Variants in PVT1 observed in about 807,000 individuals in gnomAD.
PVT1 encodes the protein Pvt1 oncogene, also known as CXCR4/PVT1 fusion.
At chr8:128,077,818 T>C (rs1395751337) in intron 5 of PVT1, among the ~76,000 whole-genome samples, 2 of 152,232 alleles carry the variant, frequency 1.3e-5, no homozygotes, top group Non-Finnish European at 2.9e-5. Context: ...CAGCCATCAA[T>C]ACCATTTTCA....
chr8:127,868,062 G>T (rs1013898526), intron 2 of PVT1, among the ~76,000 whole-genome samples: 1 of 152,258 alleles, frequency 6.6e-6, no homozygotes, highest in Middle Eastern at 3.4e-3. Flanking sequence ...TTATGAAATA[G>T]ATATTTATTT....
At chr8:128,001,947 C>T (rs927602626) in intron 4 of PVT1, among the ~76,000 whole-genome samples, 1 of 152,308 alleles carries the variant, frequency 6.6e-6, no homozygotes, top group East Asian at 1.9e-4. Context: ...CAAATCCCAT[C>T]ACCTTGAGGG....
intron 2 of PVT1, among the ~76,000 whole-genome samples, chr8:127,867,245 C>G (rs1185811557): frequency 6.6e-6 from 1 of 152,212 alleles, no homozygotes; most frequent in Non-Finnish European, 1.5e-5. Flanking sequence ...GGGGGAGGGG[C>G]ACACTTGCCT....
chr8:128,047,279 C>T (rs997653517), intron 4 of PVT1, among the ~76,000 whole-genome samples: 2 of 152,190 alleles, frequency 1.3e-5, no homozygotes, highest in Non-Finnish European at 2.9e-5. Context: ...TAGGAATGAC[C>T]TGTGAGAAGA....
At chr8:128,092,911 A>G (rs899189951) in intron 5 of PVT1, among the ~76,000 whole-genome samples, 1 of 151,910 alleles carries the variant, frequency 6.6e-6, no homozygotes, top group Non-Finnish European at 1.5e-5. Context: ...CTGGGGCTTT[A>G]TTCTTTCTGT....
intron 5 of PVT1, among the ~76,000 whole-genome samples, chr8:128,087,747 CTT>C (rs71568675): frequency 0.19 from 14,044 of 74,918 alleles, 412 homozygotes; most frequent in East Asian, 0.3. Flanking sequence ...TGATGTGCTA[CTT>C]TTTTTTTTTT....
chr8:127,899,874 G>A (rs1214123102), intron 3 of PVT1, among the ~76,000 whole-genome samples: 1 of 152,220 alleles, frequency 6.6e-6, no homozygotes, highest in South Asian at 2.1e-4. Flanking sequence ...AGTTTCAGGG[G>A]GATCTCTGTA....
intron 4 of PVT1, among the ~76,000 whole-genome samples, chr8:128,059,620 C>T (rs140985846): frequency 6.2e-4 from 94 of 152,276 alleles, no homozygotes; most frequent in African/African-American, 2.2e-3. Context: ...GCAGAGATGA[C>T]GAGGGGCAGT....
chr8:127,979,453 C>T (rs548241042), intron 3 of PVT1, among the ~76,000 whole-genome samples: 70 of 152,324 alleles, frequency 4.6e-4, no homozygotes, highest in African/African-American at 1.7e-3. Flanking sequence ...GAGCATCTGT[C>T]ATATAAACCT....
intron 3 of PVT1, among the ~76,000 whole-genome samples, chr8:127,901,442 G>A (rs1018945859): frequency 4.6e-5 from 7 of 152,210 alleles, no homozygotes; most frequent in African/African-American, 1.7e-4. Flanking sequence ...AGATTGAGAT[G>A]CCCTCGGTGG....
At chr8:127,976,372 A>G (rs530077549) in intron 3 of PVT1, among the ~76,000 whole-genome samples, 1 of 152,232 alleles carries the variant, frequency 6.6e-6, no homozygotes, top group Admixed American at 6.5e-5. Flanking sequence ...TGAATATTTG[A>G]AGTTCTTCTG....
At chr8:127,864,590 C>T (rs1240047464) in intron 2 of PVT1, among the ~76,000 whole-genome samples, 2 of 152,112 alleles carry the variant, frequency 1.3e-5, no homozygotes, top group African/African-American at 2.4e-5. Flanking sequence ...CTCTGTCACC[C>T]AGGCTGGAGT....
At chr8:128,063,623 A>C (rs1813860649) in intron 4 of PVT1, among the ~76,000 whole-genome samples, 3 of 152,232 alleles carry the variant, frequency 2.0e-5, no homozygotes, top group Admixed American at 2.0e-4. Context: ...AGAGAAAGAC[A>C]AATACTAAAT....
intron 3 of PVT1, among the ~76,000 whole-genome samples, chr8:127,956,862 C>T (rs891918579): frequency 2.0e-5 from 3 of 152,188 alleles, no homozygotes; most frequent in African/African-American, 7.2e-5. Flanking sequence ...CTAGAGCCCT[C>T]CTTTTAGCAG....
chr8:128,043,101 A>G (rs1006878035), intron 4 of PVT1, among the ~76,000 whole-genome samples: 3 of 152,152 alleles, frequency 2.0e-5, no homozygotes, highest in African/African-American at 4.8e-5. Context: ...GGATGGGTCA[A>G]TGGGAGGGTG....
Position 127,831,155 on chromosome 8 carries a change from C to CTATA in PVT1, n.372+35096_372+35099dup, listed in dbSNP as rs61121608. On this transcript the variant is annotated intron_variant and non_coding_transcript_variant, in intron 2 of 10. Transcript: ENST00000651587. ...TCTATATCTATCTCTCTCTCTCTCTCTATATATATATATATCTCCTATTAG... is the reference window on the plus strand; with the variant it reads ...TCTATATCTATCTCTCTCTCTCTCTCTATATATATATATATATATCTCCTATTAG... 5.6e-3 allele frequency among the ~76,000 whole-genome samples: 825 copies of CTATA among 148,150 alleles called. 5 individuals carry two copies. The highest frequency in any genetic ancestry group is 0.015 in the African/African-American group (585 of 39,846).
intron 2 of PVT1, among the ~76,000 whole-genome samples, chr8:127,841,178 C>T (rs1814969419): frequency 6.6e-6 from 1 of 152,268 alleles, no homozygotes; most frequent in Non-Finnish European, 1.5e-5. Context: ...AGTACCTGTT[C>T]AGCAGATTCC....
Position 127,811,202 on chromosome 8 carries a change from A to C in PVT1, n.372+15131A>C, listed in dbSNP as rs537544142. On this transcript the variant is annotated intron_variant and non_coding_transcript_variant, in intron 2 of 10. Transcript: ENST00000651587. ...CTCCCCTGGTCCCTTTTCTCTCCTC[A>C]TGCCAAAAGATAGACCCAGTGTTGC... is the stretch of plus-strand genomic sequence containing the variant. 3.3e-5 allele frequency among the ~76,000 whole-genome samples: 5 copies of C among 152,228 alleles called. No individual in the cohort carries two copies. In the South Asian group the frequency reaches 1.0e-3, roughly 32 times the overall value.
intron 4 of PVT1, among the ~76,000 whole-genome samples, chr8:127,992,215 G>C (rs1817051642): frequency 6.6e-6 from 1 of 151,974 alleles, no homozygotes; most frequent in East Asian, 1.9e-4. Flanking sequence ...GTGAAACCCT[G>C]TCTCTATTAA....
Sources: allele counts gnomAD v4.1 joint callset (sites outside exome capture counted in the v4.1 genomes callset), GRCh38; gene constraint gnomAD v4.1.1; transcripts MANE v1.5; gene names NCBI Gene and HGNC (gene_info 2026-07-23, HGNC 2026-07-21).